RERE: variants seen among roughly 807,000 people sequenced by gnomAD.
The protein encoded by RERE is arginine-glutamic acid dipeptide repeats protein.
A neutral mutation model predicts 146.1 loss-of-function variants in RERE; 40 were observed. The ratio of observed to expected loss-of-function variants is 0.27; its 90% CI spans 0.21 to 0.36. The LOEUF (loss-of-function observed/expected upper bound fraction) is 0.36. Ranked by LOEUF, RERE falls within the 10% of genes least tolerant of loss-of-function variation. The pLI is 1.00. For missense variants in RERE, 1,933 were observed against 2,138.7 expected (o/e 0.90, Z 1.90); for synonymous variants, 1,003 against 866.0 (o/e 1.16, Z -2.78).
At chr1:8,400,222 A>ATATGTATGTGTGTG (rs368219880) in intron 12 of RERE, among the ~76,000 whole-genome samples, 5 of 140,062 alleles carry the variant, frequency 3.6e-5, no homozygotes, top group African/African-American at 5.3e-5. Context: ...CCTGTGTCAT[A>ATATGTATGTGTGTG]TGTGTGTGTG....
At chr1:8,634,257 C>T (rs1393861857) in intron 2 of RERE, among the ~76,000 whole-genome samples, 1 of 152,096 alleles carries the variant, frequency 6.6e-6, no homozygotes, top group Non-Finnish European at 1.5e-5. Flanking sequence ...ACAACCTGTT[C>T]TATTCAGTTA....
At chr1:8,497,591 A>C (rs1341223105) in intron 8 of RERE, 62 bp from the exon 9 acceptor site, 1,032 of 1,554,412 alleles carry the variant, frequency 6.6e-4, no homozygotes, top group Non-Finnish European at 8.3e-4. Flanking sequence ...GAGCTATCTC[A>C]ATAAGCAGTC....
chr1:8,750,210 A>AATTAGGAG (rs1442732534), intron 1 of RERE, among the ~76,000 whole-genome samples: 5 of 151,668 alleles, frequency 3.3e-5, no homozygotes, highest in Admixed American at 1.3e-4. Context: ...ACTGGAGAGG[A>AATTAGGAG]ATTAGGAGAC....
chr1:8,360,502 G>A lies in RERE; in HGVS notation c.3005C>T (p.Ala1002Val), dbSNP rs1360471285. The A allele has an allele frequency of 5.1e-6, 7 of 1,377,552 alleles. No individual in the cohort carries two copies. The African/African-American group carries it at 7.8e-5, about 15-fold the overall frequency. 85.3% of individuals were successfully genotyped at this position (1,377,552 alleles called of 1,614,324 possible). A position where few individuals can be genotyped will look rare whatever the true frequency, so the allele number is the denominator to read the frequency against. Residue 1002 changes from alanine to valine, a missense_variant, in exon 18 of 23, where the codon GCC (alanine) becomes GTC (valine). Physicochemically the swap from Ala to Val is moderately conservative, Grantham distance 64. Transcript: ENST00000400908. Reference protein sequence around the residue: ...PQSQPLPSSPAQPPGLTQSQN... With the variant: ...PQSQPLPSSPVQPPGLTQSQN... ...GCTCTGGGTCAGCCCGGGGGGCTGG[G>A]CGGGCGAGGAGGGCAATGGCTGGCT...
At chr1:8,731,504 C>T (rs187436649) in intron 1 of RERE, among the ~76,000 whole-genome samples, 133 of 152,114 alleles carry the variant, frequency 8.7e-4, no homozygotes, top group African/African-American at 3.1e-3. Flanking sequence ...TAAAGACTTA[C>T]GCCCACTAAA....
chr1:8,669,433 T>C (rs932247459), intron 1 of RERE, among the ~76,000 whole-genome samples: 2 of 152,166 alleles, frequency 1.3e-5, no homozygotes, highest in African/African-American at 4.8e-5. Flanking sequence ...TTATATGACA[T>C]GTGAATTATA....
intron 1 of RERE, among the ~76,000 whole-genome samples, chr1:8,811,318 G>A (rs1164562410): frequency 1.3e-5 from 2 of 152,208 alleles, no homozygotes; most frequent in African/African-American, 4.8e-5. Context: ...TCAAGAATCA[G>A]ACCTTTGGCT....
chr1:8,523,947 C>T (rs191785071), intron 7 of RERE, among the ~76,000 whole-genome samples: 26 of 152,310 alleles, frequency 1.7e-4, no homozygotes, highest in African/African-American at 6.0e-4. Flanking sequence ...AACAGAAAGG[C>T]AATATTCTCC....
At chr1:8,458,038 T>G (rs1644473113) in intron 11 of RERE, among the ~76,000 whole-genome samples, 1 of 152,136 alleles carries the variant, frequency 6.6e-6, no homozygotes, top group African/African-American at 2.4e-5. Flanking sequence ...CAGTTACCAA[T>G]GTAATATGTC....
intron 4 of RERE, among the ~76,000 whole-genome samples, chr1:8,614,123 G>A (rs758065704): frequency 4.6e-5 from 7 of 152,154 alleles, no homozygotes; most frequent in Non-Finnish European, 8.8e-5. Flanking sequence ...CGCTATTTCT[G>A]AGCAATACCC....
chr1:8,544,098 A>G (rs1015367142), intron 6 of RERE, among the ~76,000 whole-genome samples: 2 of 152,242 alleles, frequency 1.3e-5, no homozygotes, highest in African/African-American at 4.8e-5. Context: ...AACCATAATC[A>G]TAGTATTGGA....
chr1:8,368,808 A>G (rs920021113), intron 12 of RERE, among the ~76,000 whole-genome samples: 1 of 151,762 alleles, frequency 6.6e-6, no homozygotes, highest in African/African-American at 2.4e-5. Flanking sequence ...CGCCTGTAAT[A>G]CCAGTACTTT....
At chr1:8,644,926 C>A (rs114779975) in intron 2 of RERE, among the ~76,000 whole-genome samples, 2,317 of 152,166 alleles carry the variant, frequency 0.015, 61 homozygotes, top group African/African-American at 0.053. Flanking sequence ...TTTTTTCTTC[C>A]ACACAGGTTA....
chr1:8,471,615 C>A (rs1644687538), intron 10 of RERE, among the ~76,000 whole-genome samples: 1 of 150,696 alleles, frequency 6.6e-6, no homozygotes, highest in South Asian at 2.1e-4. Flanking sequence ...TGGGCTCAAG[C>A]AATCCTCCTG....
At chr1:8,567,721 G>A (rs983456921) in intron 4 of RERE, among the ~76,000 whole-genome samples, 4 of 152,146 alleles carry the variant, frequency 2.6e-5, no homozygotes. Context: ...GTAGCAGAGA[G>A]GCCAAAACTA....
At chr1:8,521,570 A>G (rs1163229784) in intron 7 of RERE, among the ~76,000 whole-genome samples, 3 of 152,226 alleles carry the variant, frequency 2.0e-5, no homozygotes, top group Non-Finnish European at 4.4e-5. Flanking sequence ...CTGCGAATTA[A>G]TAACAATAAT....
chr1:8,406,819 G>A (rs1643456188), intron 12 of RERE, among the ~76,000 whole-genome samples: 1 of 151,690 alleles, frequency 6.6e-6, no homozygotes, highest in Admixed American at 6.6e-5. Context: ...AAAAACCTAA[G>A]AAGTACTACG....
At chr1:8,785,775 C>T (rs561863040) in intron 1 of RERE, among the ~76,000 whole-genome samples, 1 of 152,162 alleles carries the variant, frequency 6.6e-6, no homozygotes, top group African/African-American at 2.4e-5. Context: ...GTGCCAACCA[C>T]CACGCCCAGC....
At chr1:8,368,039 T>A (rs1207242663) in intron 12 of RERE, among the ~76,000 whole-genome samples, 1 of 152,210 alleles carries the variant, frequency 6.6e-6, no homozygotes, top group African/African-American at 2.4e-5. Context: ...TCATGCTTCA[T>A]GAGCTCAAAA....
Sources: gnomAD v4.1 joint callset for allele counts (sites outside exome capture counted in the v4.1 genomes callset) on GRCh38, gnomAD v4.1.1 for gene constraint, MANE v1.5 for transcripts, NCBI Gene and HGNC (gene_info 2026-07-23, HGNC 2026-07-21) for gene names.